SLC14A2: variants seen among roughly 807,000 people sequenced by gnomAD.
SLC14A2 encodes the protein solute carrier family 14 member 2.
SLC14A2 carries 91 observed loss-of-function variants against 104.6 expected under a neutral mutation model. The ratio of observed to expected loss-of-function variants is 0.87; its 90% confidence interval spans 0.73 to 1.04. The LOEUF (loss-of-function observed/expected upper bound fraction) is 1.04. Among genes scored for constraint, SLC14A2 ranks in the 50% least tolerant of loss-of-function variants. The pLI is 0.00. For missense variants in SLC14A2, 1,189 were observed against 1,156.0 expected, an observed-to-expected ratio of 1.03 and a Z score of -0.41; for synonymous variants, 476 against 466.4, an observed-to-expected ratio of 1.02 and a Z score of -0.27.
At chr18:45,436,982 G>T (rs2086606035) in intron 1 of SLC14A2, among the ~76,000 whole-genome samples, 1 of 152,152 alleles carries the variant, frequency 6.6e-6, no homozygotes, top group Admixed American at 6.6e-5. Flanking sequence ...CTCCGCTCAG[G>T]ATTCTAGGTT....
intron 1 of SLC14A2, among the ~76,000 whole-genome samples, chr18:45,385,596 ATC>A (rs2085886884): frequency 6.6e-6 from 1 of 152,228 alleles, no homozygotes; most frequent in Non-Finnish European, 1.5e-5. Flanking sequence ...AATATTTTAT[ATC>A]TCATTAATTC....
At chr18:45,467,830 CA>C (rs922512416) in intron 1 of SLC14A2, among the ~76,000 whole-genome samples, 6 of 151,774 alleles carry the variant, frequency 4.0e-5, no homozygotes, top group Non-Finnish European at 8.8e-5. Context: ...ACGTAGAGAA[CA>C]AAAAAAACAC....
At chr18:45,207,367 GA>G in the SLC14A2 span, among the ~76,000 whole-genome samples, 1 of 139,650 alleles carries the variant, frequency 7.2e-6, no homozygotes, top group East Asian at 2.3e-4. Context: ...AGAGGGAGGG[GA>G]AAAGAAGGAA....
chr18:45,244,109 G>A (rs2084345420), intron 1 of SLC14A2, among the ~76,000 whole-genome samples: 1 of 152,166 alleles, frequency 6.6e-6, no homozygotes, highest in African/African-American at 2.4e-5. Context: ...CCAAGTTCCG[G>A]AAGCTTAGAA....
rs530507911 is a variant in SLC14A2, at chr18:45,334,403, C to G, written c.-125+121212C>G. Among the ~76,000 whole-genome samples the G allele has an allele frequency of 1.2e-3, 188 of 152,292 alleles. 1 individual carries two copies. Among genetic ancestry groups the G allele is most frequent in the Middle Eastern group, 3.4e-3 (1 of 294 alleles). ...AGTTCATGTGACAGCCACATATATT[C>G]CTCTTTTTTGTTTTGTAATTCTGGA... On this transcript the variant is annotated intron_variant, in intron 1 of 20. Transcript: ENST00000586448.
At chr18:45,298,985 A>G (rs1344938497) in intron 1 of SLC14A2, among the ~76,000 whole-genome samples, 1 of 152,240 alleles carries the variant, frequency 6.6e-6, no homozygotes, top group African/African-American at 2.4e-5. Context: ...GTTAAAAAAA[A>G]AAAATGCAGA....
chr18:45,666,021 T>A (rs7234198), intron 11 of SLC14A2, 116 bp from the exon 12 acceptor site: 5 of 696,222 alleles, frequency 7.2e-6, no homozygotes, highest in Non-Finnish European at 1.3e-5. Context: ...GCTTCCTCAG[T>A]AGGAACAGGA....
intron 1 of SLC14A2, among the ~76,000 whole-genome samples, chr18:45,316,319 G>T (rs904165010): frequency 4.6e-5 from 7 of 152,192 alleles, no homozygotes; most frequent in African/African-American, 7.2e-5. Context: ...GCAAATGATG[G>T]CCACCAGGAG....
chr18:45,432,039 G>C (rs1225864124), intron 1 of SLC14A2, among the ~76,000 whole-genome samples: 2 of 152,284 alleles, frequency 1.3e-5, no homozygotes, highest in East Asian at 3.9e-4. Context: ...TGAAAACTGA[G>C]CGCAGGGCTT....
chr18:45,665,855 TAA>T (rs2046014208), intron 11 of SLC14A2, among the ~76,000 whole-genome samples: 1 of 152,032 alleles, frequency 6.6e-6, no homozygotes, highest in African/African-American at 2.4e-5. Flanking sequence ...GCTTCTTAAT[TAA>T]AAGTTAGTGG....
At chr18:45,500,596 A>AAG (rs2043183247) in intron 2 of SLC14A2, among the ~76,000 whole-genome samples, 1 of 150,220 alleles carries the variant, frequency 6.7e-6, no homozygotes, top group Non-Finnish European at 1.5e-5. Flanking sequence ...AAAAAAAAAA[A>AAG]GAAATCCTGC....
chr18:45,295,742 A>G (rs996507792), intron 1 of SLC14A2, among the ~76,000 whole-genome samples: 2 of 152,162 alleles, frequency 1.3e-5, no homozygotes, highest in African/African-American at 2.4e-5. Flanking sequence ...CACATTGGCT[A>G]TGGGAACTAT....
chr18:45,608,529 T>A (rs777155011), intron 2 of SLC14A2, among the ~76,000 whole-genome samples: 1 of 152,218 alleles, frequency 6.6e-6, no homozygotes, highest in Non-Finnish European at 1.5e-5. Flanking sequence ...GTTTTGCTCA[T>A]CAACACTCAC....
chr18:45,437,862 G>A (rs2086622261), intron 1 of SLC14A2, among the ~76,000 whole-genome samples: 1 of 152,180 alleles, frequency 6.6e-6, no homozygotes, highest in Non-Finnish European at 1.5e-5. Context: ...CCAAGTATGA[G>A]GATTCATATT....
chr18:45,651,906 A>G (rs2045744773), intron 10 of SLC14A2, among the ~76,000 whole-genome samples: 1 of 152,206 alleles, frequency 6.6e-6, no homozygotes, highest in Non-Finnish European at 1.5e-5. Flanking sequence ...GGGGACCAAC[A>G]TTATTCAACT....
At chr18:45,649,776 C>T (rs2045698448) in intron 10 of SLC14A2, among the ~76,000 whole-genome samples, 1 of 152,232 alleles carries the variant, frequency 6.6e-6, no homozygotes, top group Non-Finnish European at 1.5e-5. Flanking sequence ...ATTGTTCCTT[C>T]ATTTTCTGGC....
the SLC14A2 span, among the ~76,000 whole-genome samples, chr18:45,188,918 C>A: frequency 1.3e-5 from 2 of 152,150 alleles, no homozygotes. Context: ...TGACAACATG[C>A]CCAGAACATC....
At chr18:45,534,203 G>A (rs542091053) in intron 2 of SLC14A2, among the ~76,000 whole-genome samples, 6 of 152,086 alleles carry the variant, frequency 3.9e-5, no homozygotes, top group Non-Finnish European at 8.8e-5. Context: ...TTCCCTCCAC[G>A]AATTTCACTT....
At chr18:45,231,587 G>A (rs1024439896) in intron 1 of SLC14A2, among the ~76,000 whole-genome samples, 3 of 152,182 alleles carry the variant, frequency 2.0e-5, no homozygotes, top group African/African-American at 7.2e-5. Flanking sequence ...CTCCAGTCAG[G>A]ATACTCTGAC....
Sources: gnomAD v4.1 joint callset for allele counts (sites outside exome capture counted in the v4.1 genomes callset) on GRCh38, gnomAD v4.1.1 for gene constraint, MANE v1.5 for transcripts, NCBI Gene and HGNC (gene_info 2026-07-23, HGNC 2026-07-21) for gene names.